The following BPIFB4 variants were observed in gnomAD, a reference collection of about 807,000 sequenced individuals.
BPIFB4 encodes BPI fold-containing family B member 4.
Under a neutral mutation model 69.2 loss-of-function variants are expected in BPIFB4, and 62 were observed. That is an observed-to-expected ratio of 0.90 (90% CI 0.73 to 1.11). BPIFB4 has a LOEUF of 1.11. Ranked by LOEUF, BPIFB4 falls within the 50% of genes least tolerant of loss-of-function variation. The probability of loss-of-function intolerance (pLI) is 0.00; values close to 1 mark genes in which losing one functional copy is unlikely to be tolerated. For synonymous variants in BPIFB4, 330 were observed against 332.7 expected, an observed-to-expected ratio of 0.99 and a Z score of 0.09; for missense variants, 789 against 792.0, an observed-to-expected ratio of 1.00 and a Z score of 0.04.
rs1600552682 is a variant in BPIFB4, at chr20:33,083,818, T to A, written c.621T>A (p.Gly207=). 1.2e-6 allele frequency: 2 copies of A among 1,613,010 alleles called. No individual in the cohort carries two copies. The highest frequency in any genetic ancestry group is 1.7e-5 in the Admixed American group (1 of 59,908). The change falls in exon 5 of 18, where the codon GGT becomes GGA. Residue 207 remains glycine, a synonymous_variant. Transcript: ENST00000375483. The part of the protein sequence containing the change: ...LGDGGLLGGG[G]VLGVLGEGGI... ...ATGGAGGACTTCTTGGAGGAGGGGG[T>A]GTCCTGGGCGTGCTCGGCGAGGGTG...
intron 16 of BPIFB4, among the ~76,000 whole-genome samples, chr20:33,106,739 G>A (rs1374751683): frequency 6.6e-6 from 1 of 152,194 alleles, no homozygotes; most frequent in Middle Eastern, 3.2e-3. Flanking sequence ...GCAGTTCGGA[G>A]GTGGGATGGG....
At chr20:33,084,780 G>T (rs977324479) in intron 5 of BPIFB4, 112 bp from the exon 6 acceptor site, 15 of 1,473,086 alleles carry the variant, frequency 1.0e-5, no homozygotes, top group African/African-American at 1.4e-5. Context: ...AGTGTCTTTA[G>T]AGTCAGAAGG....
Position 33,083,415 on chromosome 20 carries a change from C to T in BPIFB4, c.218C>T (p.Pro73Leu), listed in dbSNP as rs150980536. The T allele has an allele frequency of 1.2e-6, 2 of 1,613,438 alleles. No individual in the cohort carries two copies. The highest frequency in any genetic ancestry group is 1.7e-6 in the Non-Finnish European group (2 of 1,179,682). Residue 73 changes from proline (P) to leucine (L), a missense_variant, in exon 5 of 18, where the codon CCA becomes CTA. Physicochemically the swap from Pro to Leu is moderately conservative, Grantham distance 98. This residue lies in a region of BPIFB4 where 611 missense variants were observed against 575.4 expected (regional missense o/e 1.06). Transcript: ENST00000375483. ...YNDFHVRGPP[P>L]VYTNGKKLDG... ...GACTTCCATGTCCGAGGACCCCCCC[C>T]AGTATATACCAACGGCAAAAAACTT... is the stretch of plus-strand genomic sequence containing the variant.
At chr20:33,105,171 A>G (rs1982013418) in intron 16 of BPIFB4, among the ~76,000 whole-genome samples, 1 of 152,172 alleles carries the variant, frequency 6.6e-6, no homozygotes, top group South Asian at 2.1e-4. Context: ...AAACAATTTA[A>G]AAAAAACTCA....
intron 10 of BPIFB4, among the ~76,000 whole-genome samples, chr20:33,092,218 G>A (rs1407246247): frequency 6.6e-6 from 1 of 152,202 alleles, no homozygotes; most frequent in Non-Finnish European, 1.5e-5. Context: ...GCTGAGTTTG[G>A]AGAGGATCTG....
intron 16 of BPIFB4, 101 bp downstream of exon 16, chr20:33,104,974 A>T: frequency 8.5e-7 from 1 of 1,183,198 alleles, no homozygotes; most frequent in Non-Finnish European, 1.2e-6. Flanking sequence ...CTACCTCAAT[A>T]GTATTTCTGA....
chr20:33,086,205 G>C, intron 7 of BPIFB4, 41 bp downstream of exon 7: 2 of 1,588,732 alleles, frequency 1.3e-6, no homozygotes, highest in Non-Finnish European at 1.7e-6. Context: ...GGGGTTGCTG[G>C]AATGGTCTGT....
chr20:33,106,161 C>G (rs1454757244), intron 16 of BPIFB4, among the ~76,000 whole-genome samples: 1 of 152,154 alleles, frequency 6.6e-6, no homozygotes, highest in Non-Finnish European at 1.5e-5. Context: ...TTTCCTACCC[C>G]ACTTCTTTTT....
chr20:33,111,509 C>CAGTCCCCTGCCCAG lies in BPIFB4; in HGVS notation c.*81_*94dup. 6.3e-7 allele frequency: 1 copy of CAGTCCCCTGCCCAG among 1,581,422 alleles called. No homozygotes were observed. Among genetic ancestry groups the CAGTCCCCTGCCCAG allele is most frequent in the Admixed American group, 1.7e-5 (1 of 58,618 alleles). ...GTCCCAGAGAGGCTCGGCCTGGAAA[C>CAGTCCCCTGCCCAG]AGTCCCCTGCCCAGAGTCCCCTCAG... On this transcript the variant is annotated 3_prime_UTR_variant, in exon 18 of 18. Transcript: ENST00000375483.
At chr20:33,086,537 G>A (rs1483814331) in intron 7 of BPIFB4, among the ~76,000 whole-genome samples, 5 of 152,190 alleles carry the variant, frequency 3.3e-5, no homozygotes, top group Non-Finnish European at 5.9e-5. Context: ...TAGCTCTCTT[G>A]CCCTCTCTGA....
intron 14 of BPIFB4, among the ~76,000 whole-genome samples, chr20:33,101,107 G>A (rs1375173402): frequency 6.6e-6 from 1 of 152,170 alleles, no homozygotes; most frequent in Admixed American, 6.5e-5. Context: ...TGGTGATGAT[G>A]ACATACCAGG....
intron 16 of BPIFB4, among the ~76,000 whole-genome samples, chr20:33,106,736 G>A (rs531786095): frequency 9.1e-4 from 139 of 152,264 alleles, no homozygotes; most frequent in African/African-American, 3.3e-3. Flanking sequence ...AGAGCAGTTC[G>A]GAGGTGGGAT....
chr20:33,081,632 G>GGT lies in BPIFB4; in HGVS notation c.106+2_106+3dup, dbSNP rs1600551049. 4 of 1,551,616 alleles carry GGT rather than the reference G, an allele frequency of 2.6e-6. No homozygotes were observed. The East Asian group carries it at 9.8e-5, about 38-fold the overall frequency. ...GGTGACGAAAGATGTGTTGAGCAAT[G>GGT]GTGAGTCCAGCCCCAAAGGGGTGAG... On this transcript the variant is annotated frameshift_variant and splice_region_variant. Coordinates refer to ENST00000375483, the MANE Select transcript of BPIFB4 (RefSeq NM_182519.3). LOFTEE classifies it high-confidence loss of function.
At chr20:33,087,716 C>CA (rs2146405271) in intron 7 of BPIFB4, among the ~76,000 whole-genome samples, 1 of 43,696 alleles carries the variant, frequency 2.3e-5, no homozygotes. Context: ...ACTATCCCCT[C>CA]AACACACACA....
intron 13 of BPIFB4, among the ~76,000 whole-genome samples, chr20:33,098,414 A>G (rs1413015304): frequency 6.6e-6 from 1 of 152,032 alleles, no homozygotes; most frequent in East Asian, 1.9e-4. Context: ...AAATACAACA[A>G]TTTTCACAAT....
chr20:33,086,742 G>C (rs552550245), intron 7 of BPIFB4, among the ~76,000 whole-genome samples: 2 of 152,210 alleles, frequency 1.3e-5, no homozygotes, highest in Admixed American at 1.3e-4. Flanking sequence ...AACCTGGTGA[G>C]GGGATGAGAG....
At chr20:33,110,241 A>C (rs1267473448) in intron 17 of BPIFB4, among the ~76,000 whole-genome samples, 7 of 152,160 alleles carry the variant, frequency 4.6e-5, no homozygotes, top group Non-Finnish European at 8.8e-5. Flanking sequence ...TGTGTTTCAT[A>C]ACCTTGACAT....
At chr20:33,085,983 G>T (rs1402896034) in intron 6 of BPIFB4, 38 bp from the exon 7 acceptor site, 2 of 1,583,886 alleles carry the variant, frequency 1.3e-6, no homozygotes, top group Non-Finnish European at 8.7e-7. Flanking sequence ...GCGGCTGGGG[G>T]TGACTCATGG....
chr20:33,102,994 T>A lies in BPIFB4; in HGVS notation c.1660T>A (p.Ser554Thr). The A allele has an allele frequency of 6.2e-7, 1 of 1,614,072 alleles. No individual in the cohort carries two copies. The highest frequency in any genetic ancestry group is 1.1e-5 in the South Asian group (1 of 91,068). ...LEKTSLNLRTSNVGNFDIGLM... is the reference protein window; with the variant it reads ...LEKTSLNLRTTNVGNFDIGLM... ...CAGGACCAGCCTCAACCTCAGAACCTCAAACGTGGGCAACTTTGATGTAAG... is the reference window on the plus strand; with the variant it reads ...CAGGACCAGCCTCAACCTCAGAACCACAAACGTGGGCAACTTTGATGTAAG... Residue 554 changes from serine to threonine, a missense_variant, in exon 15 of 18, where the codon TCA becomes ACA. Physicochemically the swap from Ser to Thr is moderately conservative, Grantham distance 58. This residue lies in a region of BPIFB4 where 170 missense variants were observed against 193.6 expected (regional missense o/e 0.88). Transcript: ENST00000375483.
Sources: gnomAD v4.1 joint callset for allele counts (sites outside exome capture counted in the v4.1 genomes callset) on GRCh38, gnomAD v4.1.1 for gene constraint, gnomAD v4.1.1 regional missense constraint, MANE v1.5 for transcripts, NCBI Gene and HGNC (gene_info 2026-07-23, HGNC 2026-07-21) for gene names.